NR2F1-AS1: variants seen among roughly 807,000 people sequenced by gnomAD.
The protein encoded by NR2F1-AS1 is NR2F1 regulatory antisense RNA 1.
At chr5:93,460,793 A>C (rs1750071462) in intron 4 of NR2F1-AS1, among the ~76,000 whole-genome samples, 2 of 152,220 alleles carry the variant, frequency 1.3e-5, no homozygotes, top group South Asian at 4.1e-4. Flanking sequence ...GTACCATCTC[A>C]CACCAGTCAG....
chr5:93,498,243 T>G (rs1199776985), intron 4 of NR2F1-AS1, among the ~76,000 whole-genome samples: 1 of 152,084 alleles, frequency 6.6e-6, no homozygotes, highest in Non-Finnish European at 1.5e-5. Flanking sequence ...TAATATATTT[T>G]GGGAGGTTCT....
intron 1 of NR2F1-AS1, among the ~76,000 whole-genome samples, chr5:93,575,576 G>T (rs995497933): frequency 1.3e-5 from 2 of 152,162 alleles, no homozygotes; most frequent in Admixed American, 6.5e-5. Context: ...GAAAGTAAAG[G>T]TCTTGTCTTG....
rs1289240696 is a variant in NR2F1-AS1, at chr5:93,490,887, ATTGTGG to A, written n.638+62868_638+62873del. Among the ~76,000 whole-genome samples, 3 of 122,068 alleles carry A rather than the reference ATTGTGG, an allele frequency of 2.5e-5. No homozygotes were observed. In the East Asian group the frequency reaches 8.6e-4, roughly 35 times the overall value. The allele number at this position is 122,068 out of a possible 152,430, so 80.1% of individuals were successfully genotyped here. A position where few individuals can be genotyped will look rare whatever the true frequency, so the allele number is the denominator to read the frequency against. On this transcript the variant is annotated intron_variant and non_coding_transcript_variant, in intron 4 of 5. Transcript: ENST00000660523. Reference sequence around the variant, plus strand: ...CTTGGTAATGGTGGTGTTGATAGTCATTGTGGTTGTGGTAGTGGTGGTGGTGATGGG... The same window carrying A: ...CTTGGTAATGGTGGTGTTGATAGTCATTGTGGTAGTGGTGGTGGTGATGGG...
At chr5:93,581,837 CT>C (rs1753082012), upstream of NR2F1-AS1, among the ~76,000 whole-genome samples, 2 of 50,178 alleles carry the variant, frequency 4.0e-5, no homozygotes, top group African/African-American at 7.0e-5. Flanking sequence ...TCTCTCTCTC[CT>C]CTCTCTCTCT....
chr5:93,461,262 T>C (rs557092292), intron 4 of NR2F1-AS1, among the ~76,000 whole-genome samples: 2 of 152,276 alleles, frequency 1.3e-5, no homozygotes, highest in South Asian at 4.1e-4. Flanking sequence ...TGTTCTCACT[T>C]ATAAGTGGGA....
chr5:93,584,668 G>A (rs1211322165), upstream of NR2F1-AS1: 1 of 148,104 alleles, frequency 6.8e-6, no homozygotes, highest in East Asian at 2.0e-4. Flanking sequence ...GGAACGGAGC[G>A]CGGGGGGAGC....
At chr5:93,556,754 A>T (rs1752364944) in intron 2 of NR2F1-AS1, among the ~76,000 whole-genome samples, 1 of 152,216 alleles carries the variant, frequency 6.6e-6, no homozygotes, top group African/African-American at 2.4e-5. Flanking sequence ...GCAAAGAACC[A>T]TGGAACAGAT....
intron 4 of NR2F1-AS1, among the ~76,000 whole-genome samples, chr5:93,477,629 C>T (rs1415140586): frequency 6.6e-6 from 1 of 152,162 alleles, no homozygotes; most frequent in African/African-American, 2.4e-5. Context: ...CTTTTATTCA[C>T]TCACATCTTT....
intron 4 of NR2F1-AS1, among the ~76,000 whole-genome samples, chr5:93,463,253 T>C (rs1750140169): frequency 6.6e-6 from 1 of 152,210 alleles, no homozygotes; most frequent in South Asian, 2.1e-4. Context: ...GCTCAGGCCA[T>C]GGCTTCAGAG....
At chr5:93,562,272 A>C (rs1421248650) in intron 2 of NR2F1-AS1, among the ~76,000 whole-genome samples, 5 of 152,128 alleles carry the variant, frequency 3.3e-5, no homozygotes, top group African/African-American at 1.2e-4. Context: ...TTTAAGATAC[A>C]TACTAAATAA....
intron 4 of NR2F1-AS1, among the ~76,000 whole-genome samples, chr5:93,479,969 T>C (rs553516978): frequency 1.3e-5 from 2 of 152,164 alleles, no homozygotes; most frequent in South Asian, 4.1e-4. Flanking sequence ...AGAACAATTA[T>C]ACTTACCCAG....
Position 93,420,923 on chromosome 5 carries a change from T to C in NR2F1-AS1, n.639-25381A>G, listed in dbSNP as rs529628264. ...CAAACTGGGAAAATTACAAGAAATA[T>C]GTGATTTATTATTTCTAAGACTGCT... On this transcript the variant is annotated intron_variant and non_coding_transcript_variant, in intron 4 of 5. Coordinates refer to ENST00000660523, the Ensembl canonical transcript of NR2F1-AS1. 2.6e-5 allele frequency among the ~76,000 whole-genome samples: 4 copies of C among 152,288 alleles called. No homozygotes were observed. The South Asian group carries it at 6.2e-4, about 24-fold the overall frequency.
intron 4 of NR2F1-AS1, among the ~76,000 whole-genome samples, chr5:93,465,833 C>G (rs2149866698): frequency 6.7e-6 from 1 of 148,800 alleles, no homozygotes; most frequent in East Asian, 2.0e-4. Context: ...AATAGAAAAC[C>G]AAACACTGCA....
rs577398801 is a variant in NR2F1-AS1, at chr5:93,546,814, C to T, written n.638+6947G>A. Among the ~76,000 whole-genome samples the T allele has an allele frequency of 3.9e-5, 6 of 152,296 alleles. No individual in the cohort carries two copies. In the East Asian group the frequency reaches 1.2e-3, roughly 29 times the overall value. ...TGGTTAGTTTTATGGATCAATTTGGCTATGCTATAGTACTCACTTATTTAA... is the reference window on the plus strand; with the variant it reads ...TGGTTAGTTTTATGGATCAATTTGGTTATGCTATAGTACTCACTTATTTAA... On this transcript the variant is annotated intron_variant and non_coding_transcript_variant, in intron 4 of 5. Coordinates refer to ENST00000660523, the Ensembl canonical transcript of NR2F1-AS1.
At chr5:93,567,366 T>C (rs1752642971) in intron 1 of NR2F1-AS1, among the ~76,000 whole-genome samples, 1 of 152,162 alleles carries the variant, frequency 6.6e-6, no homozygotes, top group African/African-American at 2.4e-5. Flanking sequence ...ATTACAAATA[T>C]TTGTAAAGCA....
At chr5:93,434,056 A>G (rs1561434446) in intron 4 of NR2F1-AS1, among the ~76,000 whole-genome samples, 1 of 152,178 alleles carries the variant, frequency 6.6e-6, no homozygotes, top group East Asian at 1.9e-4. Flanking sequence ...ATATTTACCA[A>G]TAATATCTGC....
chr5:93,500,469 GA>G (rs75891510), intron 4 of NR2F1-AS1, among the ~76,000 whole-genome samples: 2,264 of 143,622 alleles, frequency 0.016, 62 homozygotes, highest in African/African-American at 0.053. Flanking sequence ...TTGCTCAGGG[GA>G]AAAAAAAAAA....
intron 4 of NR2F1-AS1, among the ~76,000 whole-genome samples, chr5:93,510,512 C>A (rs1751273796): frequency 6.6e-6 from 1 of 152,046 alleles, no homozygotes; most frequent in Non-Finnish European, 1.5e-5. Flanking sequence ...CCATGGTTCT[C>A]AAAGAACCTC....
chr5:93,468,745 G>A (rs1248845215), intron 4 of NR2F1-AS1, among the ~76,000 whole-genome samples: 2 of 152,102 alleles, frequency 1.3e-5, no homozygotes, highest in African/African-American at 4.8e-5. Context: ...GAATGGTATT[G>A]CCTAGGTTTT....
Sources: allele counts gnomAD v4.1 joint callset (sites outside exome capture counted in the v4.1 genomes callset), GRCh38; gene constraint gnomAD v4.1.1; transcripts MANE v1.5; gene names NCBI Gene and HGNC (gene_info 2026-07-23, HGNC 2026-07-21).